The following MCC variants were observed in gnomAD, a reference collection of about 807,000 sequenced individuals.
The protein encoded by MCC is colorectal mutant cancer protein.
MCC carries 90 observed loss-of-function variants against 116.2 expected under a neutral mutation model. That is an observed-to-expected ratio of 0.77 (90% confidence interval 0.65 to 0.92). MCC has a LOEUF of 0.92. Among genes scored for constraint, MCC ranks in the 40% least tolerant of loss-of-function variants. The pLI, the probability that MCC is intolerant of heterozygous loss-of-function variation, is 0.00. For synonymous variants in MCC, 578 were observed against 510.5 expected, an observed-to-expected ratio of 1.13 and a Z score of -1.78; for missense variants, 1,516 against 1,312.2, an observed-to-expected ratio of 1.16 and a Z score of -2.40.
Position 113,025,250 on chromosome 5 carries a change from T to TTG in MCC, c.*2051_*2052insCA, listed in dbSNP as rs1380743457. 4 of 151,520 alleles carry TTG rather than the reference T, an allele frequency of 2.6e-5. No homozygotes were observed. The highest frequency in any genetic ancestry group is 2.0e-4 in the Admixed American group (3 of 15,118). 9.4% of individuals were successfully genotyped at this position (151,520 alleles called of 1,614,324 possible). A position where few individuals can be genotyped will look rare whatever the true frequency, so the allele number is the denominator to read the frequency against. On this transcript the variant is annotated 3_prime_UTR_variant, in exon 19 of 19. Coordinates refer to ENST00000408903, the MANE Select transcript of MCC (RefSeq NM_001085377.2). ...GAAAAATAGTGAAAACTGATTTTTT[T>TTG]TTTTTTGGGGCATATGTTTTTCAGC...
chr5:113,374,938 G>A, intron 2 of MCC, among the ~76,000 whole-genome samples: 1 of 146,176 alleles, frequency 6.8e-6, no homozygotes, highest in East Asian at 2.0e-4. Flanking sequence ...GCTGCAGTGA[G>A]CCGTGACTGT....
At chr5:113,371,845 T>C (rs1768843665) in intron 2 of MCC, among the ~76,000 whole-genome samples, 1 of 152,186 alleles carries the variant, frequency 6.6e-6, no homozygotes, top group African/African-American at 2.4e-5. Context: ...GATTATAATG[T>C]TGAGTGACAG....
chr5:113,040,150 A>C (rs1200995728), intron 17 of MCC, among the ~76,000 whole-genome samples: 1 of 151,262 alleles, frequency 6.6e-6, no homozygotes, highest in East Asian at 2.0e-4. Flanking sequence ...GAACGAAATC[A>C]GACCAGATGG....
rs571860136 is a variant in MCC, at chr5:113,046,664, ACTG to A, written c.2655+2426_2655+2428del. On this transcript the variant is annotated intron_variant, in intron 16 of 18. Coordinates refer to ENST00000408903, the MANE Select transcript of MCC (RefSeq NM_001085377.2). ...AACACTAGCGCTCTGTCTCTAACTG[ACTG>A]CTAACAAACTCAAAAGGCAAAAAAA... is the stretch of plus-strand genomic sequence containing the variant. 3.2e-3 allele frequency among the ~76,000 whole-genome samples: 455 copies of A among 143,578 alleles called. 3 individuals carry two copies. Among genetic ancestry groups the A allele is most frequent in the African/African-American group, 0.011 (429 of 37,510 alleles). The allele number at this position is 143,578 out of a possible 152,430, so 94.2% of individuals were successfully genotyped here. A position where few individuals can be genotyped will look rare whatever the true frequency, so the allele number is the denominator to read the frequency against.
chr5:113,160,116 T>C lies in MCC; in HGVS notation c.628-8694A>G, dbSNP rs576423497. On this transcript the variant is annotated intron_variant, in intron 3 of 18. Transcript: ENST00000408903. ...CCATTTATACAAGAAAGATTAACCC[T>C]ACCCAAGGATGGCTGATATAGGGAA... is the stretch of plus-strand genomic sequence containing the variant. Among the ~76,000 whole-genome samples the C allele has an allele frequency of 1.7e-4, 26 of 152,272 alleles. No homozygotes were observed. In the South Asian group the frequency reaches 5.2e-3, roughly 30 times the overall value.
chr5:113,045,239 G>A (rs1428584983), intron 16 of MCC, among the ~76,000 whole-genome samples: 1 of 152,130 alleles, frequency 6.6e-6, no homozygotes, highest in Non-Finnish European at 1.5e-5. Context: ...GCACACAGAC[G>A]AGAATTTCAA....
At chr5:113,271,278 C>G (rs991099267) in intron 3 of MCC, among the ~76,000 whole-genome samples, 3 of 152,208 alleles carry the variant, frequency 2.0e-5, no homozygotes, top group African/African-American at 7.2e-5. Flanking sequence ...ACAGTCATCT[C>G]TTCTACCACC....
intron 3 of MCC, among the ~76,000 whole-genome samples, chr5:113,202,138 T>C (rs903221375): frequency 2.0e-5 from 3 of 152,138 alleles, no homozygotes; most frequent in African/African-American, 7.2e-5. Context: ...CAAAATCTGC[T>C]GTCTGCCTTC....
At chr5:113,199,579 G>T (rs1034674796) in intron 3 of MCC, among the ~76,000 whole-genome samples, 1 of 152,176 alleles carries the variant, frequency 6.6e-6, no homozygotes, top group African/African-American at 2.4e-5. Context: ...GTTGGAGAGT[G>T]AAAGAATCTG....
At chr5:113,450,128 C>G (rs1219244027) in intron 1 of MCC, among the ~76,000 whole-genome samples, 1 of 152,160 alleles carries the variant, frequency 6.6e-6, no homozygotes, top group African/African-American at 2.4e-5. Context: ...TCCCCTAAGT[C>G]TCTCAGAATG....
intron 1 of MCC, among the ~76,000 whole-genome samples, chr5:113,438,886 C>G (rs1770946840): frequency 6.6e-6 from 1 of 152,004 alleles, no homozygotes; most frequent in South Asian, 2.1e-4. Flanking sequence ...ACTGATTTTG[C>G]AGTAAATTGC....
intron 3 of MCC, chr5:113,269,233 C>G (rs1056402417): frequency 1.0e-6 from 1 of 985,216 alleles, no homozygotes. Flanking sequence ...AATCTCTCTC[C>G]AGGTGGGGAC....
At chr5:113,129,813 A>G (rs1758318433) in intron 5 of MCC, among the ~76,000 whole-genome samples, 1 of 152,252 alleles carries the variant, frequency 6.6e-6, no homozygotes, top group South Asian at 2.1e-4. Context: ...TAGAATGGCG[A>G]TCATTAAAAA....
intron 3 of MCC, among the ~76,000 whole-genome samples, chr5:113,202,664 C>G (rs888512473): frequency 3.9e-5 from 6 of 152,006 alleles, no homozygotes; most frequent in African/African-American, 1.4e-4. Flanking sequence ...ACATAATTAG[C>G]CTCTGCTTGC....
intron 2 of MCC, among the ~76,000 whole-genome samples, chr5:113,381,651 G>A (rs1028481191): frequency 6.6e-6 from 1 of 152,042 alleles, no homozygotes; most frequent in African/African-American, 2.4e-5. Context: ...AGCTGGGCCT[G>A]GTGGTGCATG....
In MCC at chr5:113,326,276, C is replaced by T. The variant is rs1838208; in HGVS notation, c.627+14243G>A. ...GACACATAACATAAATCATTACATA[C>T]TATTTATGTATCATTTGGGTGCTGT... On this transcript the variant is annotated intron_variant, in intron 3 of 18. Coordinates refer to ENST00000408903, the MANE Select transcript of MCC (RefSeq NM_001085377.2). Among the ~76,000 whole-genome samples the T allele has an allele frequency of 3.9e-5, 6 of 152,156 alleles. No homozygotes were observed. In the South Asian group the frequency reaches 8.3e-4, roughly 21 times the overall value.
intron 1 of MCC, among the ~76,000 whole-genome samples, chr5:113,398,199 G>A (rs139295006): frequency 4.7e-4 from 71 of 152,324 alleles, no homozygotes; most frequent in Non-Finnish European, 8.7e-4. Context: ...TGTCAGTGAG[G>A]CTGTGGAGAA....
intron 6 of MCC, among the ~76,000 whole-genome samples, chr5:113,118,023 A>C (rs1757491795): frequency 6.6e-6 from 1 of 152,214 alleles, no homozygotes; most frequent in Non-Finnish European, 1.5e-5. Context: ...ATCTATAGAA[A>C]CACAGGCGGC....
intron 3 of MCC, among the ~76,000 whole-genome samples, chr5:113,282,920 T>G (rs1200494201): frequency 1.3e-5 from 2 of 152,230 alleles, no homozygotes; most frequent in African/African-American, 2.4e-5. Context: ...AAAACTCCTC[T>G]TTGAAGACTG....
Sources: gnomAD v4.1 joint callset for allele counts (sites outside exome capture counted in the v4.1 genomes callset) on GRCh38, gnomAD v4.1.1 for gene constraint, MANE v1.5 for transcripts, NCBI Gene and HGNC (gene_info 2026-07-23, HGNC 2026-07-21) for gene names.